Variants in ROBO2 observed in about 807,000 individuals in gnomAD.
ROBO2 encodes the protein roundabout guidance receptor 2.
ROBO2 carries 53 observed loss-of-function variants against 160.8 expected under a neutral mutation model. That is an observed-to-expected ratio of 0.33 (90% confidence interval 0.26 to 0.41). The LOEUF (loss-of-function observed/expected upper bound fraction) is 0.41, where lower values mean the gene tolerates loss of function less well. ROBO2 is among the 10% of genes least tolerant of loss of function. The probability of loss-of-function intolerance (pLI) is 1.00; values close to 1 mark genes in which losing one functional copy is unlikely to be tolerated. For synonymous variants in ROBO2, 664 were observed against 611.7 expected, an observed-to-expected ratio of 1.09 and a Z score of -1.26; for missense variants, 1,577 against 1,722.4, an observed-to-expected ratio of 0.92 and a Z score of 1.49.
intron 1 of ROBO2, among the ~76,000 whole-genome samples, chr3:77,052,288 A>G (rs1420113703): frequency 6.6e-6 from 1 of 152,122 alleles, no homozygotes; most frequent in Non-Finnish European, 1.5e-5. Flanking sequence ...GCTTTCTTTC[A>G]GCCATTATCT....
At chr3:75,997,432 G>GTGT (rs1388087251) in intron 2 of ROBO2, among the ~76,000 whole-genome samples, 5 of 151,678 alleles carry the variant, frequency 3.3e-5, no homozygotes, top group Non-Finnish European at 5.9e-5. Context: ...AATTTCTTTG[G>GTGT]TGTGTCTGAG....
intron 2 of ROBO2, among the ~76,000 whole-genome samples, chr3:77,266,137 A>G (rs1275891289): frequency 6.6e-6 from 1 of 152,022 alleles, no homozygotes; most frequent in Non-Finnish European, 1.5e-5. Flanking sequence ...CTCACTAGGC[A>G]CAGGATTTTT....
At chr3:76,624,846 T>C (rs963716335) in intron 2 of ROBO2, among the ~76,000 whole-genome samples, 4 of 129,816 alleles carry the variant, frequency 3.1e-5, no homozygotes, top group East Asian at 2.2e-4. Context: ...AATATCCTTA[T>C]AGAAAACTGT....
intron 2 of ROBO2, among the ~76,000 whole-genome samples, chr3:76,477,675 T>C (rs993438208): frequency 2.6e-5 from 4 of 152,080 alleles, no homozygotes; most frequent in African/African-American, 9.7e-5. Context: ...AATTGACACC[T>C]TTTGCTGCTG....
intron 2 of ROBO2, among the ~76,000 whole-genome samples, chr3:76,257,901 A>C (rs1706504851): frequency 6.6e-6 from 1 of 152,144 alleles, no homozygotes; most frequent in South Asian, 2.1e-4. Flanking sequence ...GAAATTTTTC[A>C]TTTTAAATTT....
chr3:76,604,126 C>T (rs1468305381), intron 2 of ROBO2, among the ~76,000 whole-genome samples: 1 of 152,132 alleles, frequency 6.6e-6, no homozygotes, highest in African/African-American at 2.4e-5. Flanking sequence ...TTACTATATC[C>T]TAATGATGAC....
chr3:77,037,567 C>T (rs2063713427), upstream of ROBO2, among the ~76,000 whole-genome samples: 1 of 152,134 alleles, frequency 6.6e-6, no homozygotes, highest in Admixed American at 6.5e-5. Flanking sequence ...ACAAGGATAA[C>T]TTTCTATGAA....
chr3:77,563,421 A>G (rs2093389630), intron 11 of ROBO2, 92 bp downstream of exon 12: 1 of 1,221,320 alleles, frequency 8.2e-7, no homozygotes, highest in Admixed American at 1.8e-5. Flanking sequence ...TTTATTAAAG[A>G]CATGTCCAAT....
chr3:77,316,709 A>G lies in ROBO2; in HGVS notation c.389-160705A>G, dbSNP rs1235306684. On this transcript the variant is annotated intron_variant, in intron 2 of 25. Transcript: ENST00000461745. Reference sequence around the variant, plus strand: ...GGTACACTAAATTCTGAAGGTAGCTATGCTGCAAAATAGTTTAAATTAAAC... The same window carrying G: ...GGTACACTAAATTCTGAAGGTAGCTGTGCTGCAAAATAGTTTAAATTAAAC... The G allele has an allele frequency of 4.5e-5, 37 of 818,232 alleles. 1 individual carries two copies. Among genetic ancestry groups the G allele is most frequent in the South Asian group, 3.5e-4 (26 of 74,194 alleles). 50.7% of individuals were successfully genotyped at this position (818,232 alleles called of 1,614,324 possible). A position where few individuals can be genotyped will look rare whatever the true frequency, so the allele number is the denominator to read the frequency against.
chr3:77,240,132 T>C (rs1328982904), intron 2 of ROBO2, among the ~76,000 whole-genome samples: 1 of 152,094 alleles, frequency 6.6e-6, no homozygotes, highest in Non-Finnish European at 1.5e-5. Context: ...CTGGGGGCCA[T>C]GGAGCATGGG....
chr3:76,935,788 A>G (rs746459827), intron 2 of ROBO2, among the ~76,000 whole-genome samples: 4 of 152,148 alleles, frequency 2.6e-5, no homozygotes, highest in Non-Finnish European at 5.9e-5. Context: ...ATAGGTGACC[A>G]TATTTTGCCT....
chr3:76,363,479 A>C (rs1307078757), intron 2 of ROBO2, among the ~76,000 whole-genome samples: 1 of 152,032 alleles, frequency 6.6e-6, no homozygotes, highest in East Asian at 1.9e-4. Flanking sequence ...TAAAGTTTTT[A>C]AGCATTATTA....
intron 6 of ROBO2, among the ~76,000 whole-genome samples, chr3:77,524,082 G>A (rs1040041253): frequency 6.6e-6 from 1 of 151,080 alleles, no homozygotes; most frequent in Non-Finnish European, 1.5e-5. Flanking sequence ...TAGGAGACAG[G>A]CATTTTGGGT....
intron 2 of ROBO2, among the ~76,000 whole-genome samples, chr3:76,421,259 G>A (rs2075983283): frequency 1.3e-5 from 2 of 152,132 alleles, no homozygotes; most frequent in Non-Finnish European, 2.9e-5. Flanking sequence ...CAATATTTGG[G>A]TAGATAGCAG....
chr3:77,242,083 A>G (rs577029274), intron 2 of ROBO2, among the ~76,000 whole-genome samples: 1 of 152,188 alleles, frequency 6.6e-6, no homozygotes, highest in Non-Finnish European at 1.5e-5. Flanking sequence ...CTAAGAAAGC[A>G]CTCAGATGCA....
chr3:76,052,833 C>A (rs2067700723), intron 2 of ROBO2, among the ~76,000 whole-genome samples: 2 of 152,132 alleles, frequency 1.3e-5, no homozygotes, highest in African/African-American at 2.4e-5. Flanking sequence ...GTATTTAGGA[C>A]AAGTGAACAT....
At chr3:76,158,802 A>G (rs1304341284) in intron 2 of ROBO2, among the ~76,000 whole-genome samples, 1 of 152,170 alleles carries the variant, frequency 6.6e-6, no homozygotes, top group Non-Finnish European at 1.5e-5. Flanking sequence ...TGATAAGGCT[A>G]ATTTCCTGAG....
chr3:76,704,661 G>T (rs1368159181), intron 2 of ROBO2, among the ~76,000 whole-genome samples: 1 of 152,020 alleles, frequency 6.6e-6, no homozygotes, highest in Non-Finnish European at 1.5e-5. Flanking sequence ...CTGCAGATTG[G>T]GCTCTGCACA....
chr3:77,443,164 T>G (rs764364740), intron 2 of ROBO2, among the ~76,000 whole-genome samples: 1 of 152,194 alleles, frequency 6.6e-6, no homozygotes, highest in Non-Finnish European at 1.5e-5. Flanking sequence ...CTTATTATAA[T>G]TTTGCTTATA....
Sources: allele counts gnomAD v4.1 joint callset (sites outside exome capture counted in the v4.1 genomes callset), GRCh38; gene constraint gnomAD v4.1.1; transcripts MANE v1.5; gene names NCBI Gene and HGNC (gene_info 2026-07-23, HGNC 2026-07-21).